The following SFMBT2 variants were observed in gnomAD, a reference collection of about 807,000 sequenced individuals.
The protein encoded by SFMBT2 is Scm like with four mbt domains 2.
SFMBT2 carries 38 observed loss-of-function variants against 110.1 expected under a neutral mutation model. The ratio of observed to expected loss-of-function variants is 0.35; its 90% CI spans 0.27 to 0.45. The LOEUF (loss-of-function observed/expected upper bound fraction) is 0.45. SFMBT2 is among the 20% of genes least tolerant of loss of function. SFMBT2 has a pLI of 1.00. For synonymous variants in SFMBT2, 425 were observed against 425.4 expected, an observed-to-expected ratio of 1.00 and a Z score of 0.01; for missense variants, 1,011 against 1,094.9, an observed-to-expected ratio of 0.92 and a Z score of 1.08.
intron 16 of SFMBT2, among the ~76,000 whole-genome samples, chr10:7,183,343 A>G (rs2131560130): frequency 6.6e-6 from 1 of 152,304 alleles, no homozygotes; most frequent in East Asian, 1.9e-4. Context: ...TGAGCACATC[A>G]GGAGGGGCTG....
At chr10:7,334,189 C>T (rs1306011959) in intron 4 of SFMBT2, among the ~76,000 whole-genome samples, 1 of 152,166 alleles carries the variant, frequency 6.6e-6, no homozygotes, top group Non-Finnish European at 1.5e-5. Flanking sequence ...CCACAGCCGG[C>T]CTGGCCGCTG....
chr10:7,344,191 G>A (rs1844026318), intron 4 of SFMBT2, among the ~76,000 whole-genome samples: 1 of 152,098 alleles, frequency 6.6e-6, no homozygotes, highest in Non-Finnish European at 1.5e-5. Context: ...GAAGTATTAG[G>A]CATTTTTGCA....
intron 7 of SFMBT2, among the ~76,000 whole-genome samples, chr10:7,258,471 C>T (rs1173177270): frequency 3.9e-5 from 6 of 152,142 alleles, no homozygotes; most frequent in Non-Finnish European, 7.4e-5. Context: ...ATAATTTTTT[C>T]AGTTCCAACA....
At chr10:7,186,481 T>TATATATATATAAA (rs1554782979) in intron 16 of SFMBT2, among the ~76,000 whole-genome samples, 1 of 149,424 alleles carries the variant, frequency 6.7e-6, no homozygotes, top group Non-Finnish European at 1.5e-5. Flanking sequence ...TATAAAAATA[T>TATATATATATAAA]TTTATTTGTT....
intron 14 of SFMBT2, among the ~76,000 whole-genome samples, chr10:7,198,758 T>C (rs1057295037): frequency 3.3e-5 from 5 of 152,128 alleles, no homozygotes; most frequent in Non-Finnish European, 5.9e-5. Flanking sequence ...TAAAGTTTCT[T>C]TCTTACAGGT....
At chr10:7,399,216 C>A (rs540743246) in intron 1 of SFMBT2, among the ~76,000 whole-genome samples, 86 of 152,204 alleles carry the variant, frequency 5.7e-4, no homozygotes, top group Non-Finnish European at 1.0e-3. Flanking sequence ...CTCCTATCCA[C>A]CAAGTTTTTT....
At chr10:7,205,404 A>C in intron 12 of SFMBT2, 1 of 985,198 alleles carries the variant, frequency 1.0e-6, no homozygotes, top group Non-Finnish European at 1.2e-6. Flanking sequence ...TTAAGTGTTT[A>C]TAAGAATGTC....
rs1048451238 is a variant in SFMBT2, at chr10:7,227,835, G to C, written c.1203+20C>G. On this transcript the variant is annotated intron_variant, in intron 10 of 20. Coordinates refer to ENST00000397167, the MANE Select transcript of SFMBT2 (RefSeq NM_001387889.1). ...AAAATCTATGATTTTTAAAAATTAG[G>C]TAAGAGAGAAGCTTCTTACATTTCG... 1 of 1,591,680 alleles carries C rather than the reference G, an allele frequency of 6.3e-7. No individual in the cohort carries two copies. Among genetic ancestry groups the C allele is most frequent in the African/African-American group, 1.4e-5 (1 of 73,530 alleles).
chr10:7,330,537 A>G (rs990611239), intron 4 of SFMBT2, among the ~76,000 whole-genome samples: 2 of 152,162 alleles, frequency 1.3e-5, no homozygotes, highest in African/African-American at 4.8e-5. Flanking sequence ...GCCCAGGAGC[A>G]GGTACTTGCA....
chr10:7,307,113 A>C (rs1842719749), intron 4 of SFMBT2, among the ~76,000 whole-genome samples: 1 of 152,254 alleles, frequency 6.6e-6, no homozygotes, highest in Non-Finnish European at 1.5e-5. Context: ...TTCAAAACAC[A>C]TAGAATATAT....
intron 1 of SFMBT2, among the ~76,000 whole-genome samples, chr10:7,387,059 T>C (rs944564979): frequency 3.3e-5 from 5 of 152,200 alleles, no homozygotes; most frequent in African/African-American, 9.7e-5. Context: ...TATTTTTACT[T>C]AAATCATCGA....
chr10:7,172,873 T>G lies in SFMBT2; in HGVS notation c.1985-212A>C, dbSNP rs1450018397. ...CGGGCTGAACTTGGCCCGTCCCCAG[T>G]GTTGAAGCCCAAACCCCCAAAGTGA... On this transcript the variant is annotated intron_variant, in intron 17 of 20. Transcript: ENST00000397167. This position sits in a 1 kb window ranked among gnomAD's most constrained non-coding sequence, Gnocchi z 4.6. 6.6e-6 allele frequency among the ~76,000 whole-genome samples: 1 copy of G among 152,096 alleles called. No individual in the cohort carries two copies. The highest frequency in any genetic ancestry group is 1.9e-4 in the East Asian group (1 of 5,188).
At chr10:7,198,277 T>A (rs909036085) in intron 14 of SFMBT2, 9 of 368,126 alleles carry the variant, frequency 2.4e-5, no homozygotes, top group Non-Finnish European at 3.4e-5. Context: ...ATTGAATTAA[T>A]GTAGCATCAT....
intron 2 of SFMBT2, among the ~76,000 whole-genome samples, chr10:7,376,727 CA>C (rs35816107): frequency 1.7e-3 from 75 of 44,716 alleles, no homozygotes; most frequent in African/African-American, 2.7e-3. Context: ...GGCCCTCCCA[CA>C]AAAAAAAAAA....
chr10:7,207,264 G>A (rs561487414), intron 11 of SFMBT2, among the ~76,000 whole-genome samples: 57 of 152,052 alleles, frequency 3.7e-4, no homozygotes, highest in African/African-American at 1.2e-3. Context: ...GGAGGCTGAG[G>A]TGGGAGGACT....
chr10:7,188,743 A>G lies in SFMBT2; in HGVS notation c.1699-10T>C, dbSNP rs1290698519. ...TTATCATGCTAAGAACCTTTTGGGG[A>G]AAAAAATAAGCAGACTGAGCTGCAA... On this transcript the variant is annotated splice_polypyrimidine_tract_variant and intron_variant, in intron 15 of 20. Transcript: ENST00000397167. 8.1e-6 allele frequency: 13 copies of G among 1,601,712 alleles called. No homozygotes were observed. The highest frequency in any genetic ancestry group is 1.7e-4 in the Middle Eastern group (1 of 6,034).
intron 7 of SFMBT2, among the ~76,000 whole-genome samples, chr10:7,269,506 C>A (rs1203760066): frequency 6.6e-6 from 1 of 152,194 alleles, no homozygotes; most frequent in Non-Finnish European, 1.5e-5. Context: ...TCATCTCCGG[C>A]CATTAAATGT....
In SFMBT2 at chr10:7,301,359, G is replaced by A. The variant is rs1832140384; in HGVS notation, c.437-15405C>T. ...TTGAAAGGAGAGATGCCACAGAAACGCTGATGGGTCAAGCAGCTCTTCCAA... is the reference window on the plus strand; with the variant it reads ...TTGAAAGGAGAGATGCCACAGAAACACTGATGGGTCAAGCAGCTCTTCCAA... On this transcript the variant is annotated intron_variant, in intron 4 of 20. Coordinates refer to ENST00000397167, the MANE Select transcript of SFMBT2 (RefSeq NM_001387889.1). This position sits in a 1 kb window ranked among gnomAD's most constrained non-coding sequence, Gnocchi z 4.2. Among the ~76,000 whole-genome samples, 2 of 152,220 alleles carry A rather than the reference G, an allele frequency of 1.3e-5. No homozygotes were observed. The highest frequency in any genetic ancestry group is 2.1e-4 in the South Asian group (1 of 4,830).
chr10:7,221,533 T>C (rs1054821265), intron 10 of SFMBT2, among the ~76,000 whole-genome samples: 2 of 148,576 alleles, frequency 1.3e-5, no homozygotes, highest in Non-Finnish European at 3.0e-5. Context: ...GCCACTGCAC[T>C]CCAGCCTGGG....
Sources: allele counts gnomAD v4.1 joint callset (sites outside exome capture counted in the v4.1 genomes callset), GRCh38; gene constraint gnomAD v4.1.1; non-coding constraint Gnocchi (gnomAD v3.1); transcripts MANE v1.5; gene names NCBI Gene and HGNC (gene_info 2026-07-23, HGNC 2026-07-21).